The following MDP1 variants were observed in gnomAD, a reference collection of about 807,000 sequenced individuals.
The protein encoded by MDP1 is magnesium-dependent phosphatase 1.
A neutral mutation model predicts 21.6 loss-of-function variants in MDP1; 18 were observed. The ratio of observed to expected loss-of-function variants is 0.83; its 90% CI spans 0.58 to 1.24. The LOEUF (loss-of-function observed/expected upper bound fraction) is 1.24. MDP1 is among the 50% of genes most tolerant of loss of function. The pLI, the probability that MDP1 is intolerant of heterozygous loss-of-function variation, is 0.00. For synonymous variants in MDP1, 101 were observed against 83.2 expected (o/e 1.21, Z -1.16); for missense variants, 207 against 218.6 (o/e 0.95, Z 0.33).
In MDP1 at chr14:24,214,413, G is replaced by A. The variant is rs763146098; in HGVS notation, c.318-18C>T. ...GCTGCAACCTATTCAAGACAGGGCAGGAGTAACCAAGCTAGTATCTTGGTT... is the reference window on the plus strand; with the variant it reads ...GCTGCAACCTATTCAAGACAGGGCAAGAGTAACCAAGCTAGTATCTTGGTT... On this transcript the variant is annotated intron_variant, in intron 4 of 5. Transcript: ENST00000288087. 2 of 1,614,188 alleles carry A rather than the reference G, an allele frequency of 1.2e-6. No individual in the cohort carries two copies. Among genetic ancestry groups the A allele is most frequent in the Non-Finnish European group, 1.7e-6 (2 of 1,180,022 alleles).
Position 24,214,150 on chromosome 14 carries a change from A to G in MDP1, c.405T>C (p.Gly135=), listed in dbSNP as rs529565317. 116 of 1,609,928 alleles carry G rather than the reference A, an allele frequency of 7.2e-5. 1 individual carries two copies. The East Asian group carries it at 2.3e-3, about 32-fold the overall frequency. The part of the protein sequence containing the change: ...RRNIVDVSKL[G]VTCIHIQNGM... ...CATTCTGGATGTGAATGCAGGTAAC[A>G]CCTAGAAAGATAAGAAGTCACATTT... Residue 135 remains glycine, a splice_region_variant and synonymous_variant, in exon 6 of 6, where the codon GGT becomes GGC. Coordinates refer to ENST00000288087, the MANE Select transcript of MDP1 (RefSeq NM_138476.4).
In MDP1 at chr14:24,215,591, C is replaced by G. The variant is rs368413494; in HGVS notation, c.170G>C (p.Arg57Pro). 1.2e-6 allele frequency: 2 copies of G among 1,614,170 alleles called. No individual in the cohort carries two copies. Among genetic ancestry groups the G allele is most frequent in the Non-Finnish European group, 1.7e-6 (2 of 1,180,044 alleles). ...LYPEVPEVLK[R>P]LQSLGVPGAA... ...ACCGGGCACCCCAAGGCTCTGCAATCGTTTTAGGACCTCAGGCACCTCTGG... is the reference window on the plus strand; with the variant it reads ...ACCGGGCACCCCAAGGCTCTGCAATGGTTTTAGGACCTCAGGCACCTCTGG... Residue 57 changes from arginine to proline, a missense_variant, in exon 3 of 6, where the codon CGA (arginine) becomes CCA (proline). Coordinates refer to ENST00000288087, the MANE Select transcript of MDP1 (RefSeq NM_138476.4).
chr14:24,213,951 C>T lies in MDP1; in HGVS notation c.*73G>A. 6.6e-7 allele frequency: 1 copy of T among 1,520,060 alleles called. No individual in the cohort carries two copies. Among genetic ancestry groups the T allele is most frequent in the Non-Finnish European group, 8.8e-7 (1 of 1,136,330 alleles). 94.2% of individuals were successfully genotyped at this position (1,520,060 alleles called of 1,614,324 possible). On this transcript the variant is annotated 3_prime_UTR_variant, in exon 6 of 6. Transcript: ENST00000288087. ...ACTCCCCACACTGTGGGTAAAATCT[C>T]TTCTGTCACACACAGATGAACTTTA...
intron 1 of MDP1, 48 bp downstream of exon 1, chr14:24,215,871 G>T: frequency 1.2e-6 from 2 of 1,614,006 alleles, no homozygotes; most frequent in Non-Finnish European, 8.5e-7. Context: ...TGTTAGGGAT[G>T]TGGAAAAGGA....
chr14:24,214,183 C>T, intron 5 of MDP1, 32 bp from the exon 6 acceptor site: 1 of 1,607,138 alleles, frequency 6.2e-7, no homozygotes, highest in South Asian at 1.1e-5. Flanking sequence ...TTTCATTAAG[C>T]TTTCAGGGTT....
chr14:24,215,413 C>G, intron 3 of MDP1, 139 bp downstream of exon 3: 1 of 1,018,330 alleles, frequency 9.8e-7, no homozygotes, highest in Non-Finnish European at 1.5e-6. Context: ...AGTTAAAAGG[C>G]ACAGGAGAGC....
chr14:24,214,096 C>T lies in MDP1; in HGVS notation c.459G>A (p.Gly153=), dbSNP rs2039630645. Residue 153 remains glycine (G), a synonymous_variant, in exon 6 of 6, where the codon GGG becomes GGA. Coordinates refer to ENST00000288087, the MANE Select transcript of MDP1 (RefSeq NM_138476.4). The part of the protein sequence containing the change: ...NGMNLQTLSQ[G]LETFAKAQTG... ...TTTGGGCCTTCGCAAATGTCTCTAA[C>T]CCTTGACTTAGAGTTTGAAGATTCA... 1 of 1,613,782 alleles carries T rather than the reference C, an allele frequency of 6.2e-7. No homozygotes were observed. Among genetic ancestry groups the T allele is most frequent in the Non-Finnish European group, 8.5e-7 (1 of 1,179,828 alleles).
chr14:24,214,220 G>C, intron 5 of MDP1, 69 bp from the exon 6 acceptor site: 2 of 1,610,428 alleles, frequency 1.2e-6, no homozygotes, highest in Non-Finnish European at 1.7e-6. Flanking sequence ...ACCTTTGTGA[G>C]TGCCACCTAT....
rs1327331303 is a variant in MDP1, at chr14:24,214,057, C to A, written c.498G>T (p.Arg166Ser). Residue 166 changes from arginine to serine, a missense_variant, in exon 6 of 6, where the codon AGG (arginine) becomes AGT (serine). Arg to Ser is a moderately radical substitution (Grantham distance 110). Transcript: ENST00000288087. ...CAAATGGGCTCTCCTCAAGGCTGGA[C>A]CTCAAAGGCCCAGTTTGGGCCTTCG... is the stretch of plus-strand genomic sequence containing the variant. ...TFAKAQTGPL[R>S]SSLEESPFEA is the part of the protein sequence containing the mutation. 4 of 1,600,590 alleles carry A rather than the reference C, an allele frequency of 2.5e-6. No individual in the cohort carries two copies. The South Asian group carries it at 3.3e-5, about 13-fold the overall frequency.
chr14:24,214,020 C>G lies in MDP1; in HGVS notation c.*4G>C, dbSNP rs2039627980. On this transcript the variant is annotated 3_prime_UTR_variant, in exon 6 of 6. Coordinates refer to ENST00000288087, the MANE Select transcript of MDP1 (RefSeq NM_138476.4). ...TGAAAATGCCTTCTTGATTTCCTTT[C>G]AGTTTAGGCCTCAAATGGGCTCTCC... is the stretch of plus-strand genomic sequence containing the variant. 1.1e-5 allele frequency: 17 copies of G among 1,562,908 alleles called. No individual in the cohort carries two copies. Among genetic ancestry groups the G allele is most frequent in the Non-Finnish European group, 1.5e-5 (17 of 1,157,866 alleles).
chr14:24,215,871 G>A, intron 1 of MDP1, 48 bp downstream of exon 1: 2 of 1,614,006 alleles, frequency 1.2e-6, no homozygotes, highest in Non-Finnish European at 1.7e-6. Flanking sequence ...TGTTAGGGAT[G>A]TGGAAAAGGA....
chr14:24,215,230 T>C (rs1348308430), intron 3 of MDP1, among the ~76,000 whole-genome samples: 1 of 151,706 alleles, frequency 6.6e-6, no homozygotes, highest in African/African-American at 2.4e-5. Flanking sequence ...GGATTACAGG[T>C]GCGTGCCACC....
At position 24,215,619 on chromosome 14, in the gene MDP1, A is replaced by ACAGT. The variant is rs1178013681; in HGVS notation, c.138_141dup (p.Tyr48ThrfsTer7). 3 of 1,614,058 alleles carry ACAGT rather than the reference A, an allele frequency of 1.9e-6. No individual in the cohort carries two copies. Among genetic ancestry groups the ACAGT allele is most frequent in the Admixed American group, 3.3e-5 (2 of 60,000 alleles). On this transcript the variant is annotated frameshift_variant, in exon 3 of 6. Coordinates refer to ENST00000288087, the MANE Select transcript of MDP1 (RefSeq NM_138476.4). LOFTEE classifies it high-confidence loss of function. ...TTTAGGACCTCAGGCACCTCTGGGT[A>ACAGT]CAGTCGGACGTCTTGGCCCCGCCTA... is the stretch of plus-strand genomic sequence containing the variant.
rs1211683329 is a variant in MDP1, at chr14:24,214,081, C to T, written c.474G>A (p.Ala158=). ...ACCTCAAAGGCCCAGTTTGGGCCTT[C>T]GCAAATGTCTCTAACCCTTGACTTA... ...QTLSQGLETF[A]KAQTGPLRSS... is the part of the protein sequence containing the mutation. Residue 158 remains alanine (A), a synonymous_variant, in exon 6 of 6, where the codon GCG becomes GCA. Transcript: ENST00000288087. 9.9e-6 allele frequency: 16 copies of T among 1,613,302 alleles called. No individual in the cohort carries two copies. Among genetic ancestry groups the T allele is most frequent in the East Asian group, 6.7e-5 (3 of 44,884 alleles).
Position 24,215,766 on chromosome 14 carries a change from C to T in MDP1, c.69G>A (p.Thr23=), listed in dbSNP as rs751896145. The change falls in exon 2 of 6, where the codon ACG becomes ACA. Residue 23 remains threonine (T), a synonymous_variant. Transcript: ENST00000288087. Reference sequence around the variant, plus strand: ...TCTTATGGAACGGAGGGTCTACGTGCGTGTCGACCCAGAAAGGCCAGAGAG... The same window carrying T: ...TCTTATGGAACGGAGGGTCTACGTGTGTGTCGACCCAGAAAGGCCAGAGAG... The part of the protein sequence containing the change: ...DYTLWPFWVD[T]HVDPPFHKSS... 26 of 1,614,058 alleles carry T rather than the reference C, an allele frequency of 1.6e-5. No homozygotes were observed. Among genetic ancestry groups the T allele is most frequent in the Non-Finnish European group, 2.1e-5 (25 of 1,180,052 alleles).
chr14:24,215,944 T>C lies in MDP1; in HGVS notation c.12A>G (p.Leu4=). The C allele has an allele frequency of 1.9e-6, 3 of 1,614,170 alleles. No individual in the cohort carries two copies. The highest frequency in any genetic ancestry group is 1.7e-6 in the Non-Finnish European group (2 of 1,180,016). MAR[L]PKLAVFDLDY... ...CCAAATCAAAGACTGCCAGCTTCGG[T>C]AGCCGCGCCATGACCCGCACCGCAG... Residue 4 remains leucine, a synonymous_variant, in exon 1 of 6, where the codon CTA becomes CTG. Coordinates refer to ENST00000288087, the MANE Select transcript of MDP1 (RefSeq NM_138476.4).
In MDP1 at chr14:24,215,538, G is replaced by T; in HGVS notation, c.209+14C>A. ...TTCAGCATTACACTGTCAGTTGTCA[G>T]TCGCTCTTCTTACCTTGAAGCAGCC... On this transcript the variant is annotated intron_variant, in intron 3 of 5. Transcript: ENST00000288087. 6.2e-7 allele frequency: 1 copy of T among 1,613,982 alleles called. No homozygotes were observed.
chr14:24,214,432 C>T, intron 4 of MDP1, 37 bp from the exon 5 acceptor site: 2 of 1,614,208 alleles, frequency 1.2e-6, no homozygotes, highest in South Asian at 1.1e-5. Context: ...AAGCTAGTAT[C>T]TTGGTTTCCC....
At position 24,214,372 on chromosome 14, in the gene MDP1, G is replaced by T. The variant is rs200207999; in HGVS notation, c.341C>A (p.Pro114His). The T allele has an allele frequency of 6.2e-7, 1 of 1,614,204 alleles. No individual in the cohort carries two copies. Among genetic ancestry groups the T allele is most frequent in the African/African-American group, 1.3e-5 (1 of 75,064 alleles). ...FERLQQKTGI[P>H]FSQMIFFDDE... ...ATCAAAGAAGATCATCTGGGAGAAA[G>T]GAATTCCAGTCTTCTGCTGCAACCT... is the stretch of plus-strand genomic sequence containing the variant. The change falls in exon 5 of 6, where the codon CCT becomes CAT. Residue 114 changes from proline to histidine, a missense_variant. Coordinates refer to ENST00000288087, the MANE Select transcript of MDP1 (RefSeq NM_138476.4).
Sources: gnomAD v4.1 joint callset for allele counts (sites outside exome capture counted in the v4.1 genomes callset) on GRCh38, gnomAD v4.1.1 for gene constraint, MANE v1.5 for transcripts, NCBI Gene and HGNC (gene_info 2026-07-23, HGNC 2026-07-21) for gene names.